Variants in MAP3K8 observed in about 807,000 individuals in gnomAD.
MAP3K8 encodes Ewing sarcoma transformant.
In MAP3K8, 22 loss-of-function variants were observed where a neutral mutation model predicts 45.8. The observed-to-expected ratio is 0.48, with a 90% CI of 0.34 to 0.69. MAP3K8 has a LOEUF of 0.69. Among genes scored for constraint, MAP3K8 ranks in the 30% least tolerant of loss-of-function variants. The probability of loss-of-function intolerance (pLI) is 0.01; values close to 1 mark genes in which losing one functional copy is unlikely to be tolerated. For missense variants in MAP3K8, 419 were observed against 585.0 expected, an observed-to-expected ratio of 0.72 and a Z score of 2.93; for synonymous variants, 223 against 214.3, an observed-to-expected ratio of 1.04 and a Z score of -0.36.
intron 2 of MAP3K8, among the ~76,000 whole-genome samples, chr10:30,437,903 T>C (rs1423693746): frequency 6.6e-6 from 1 of 152,250 alleles, no homozygotes; most frequent in Non-Finnish European, 1.5e-5. Flanking sequence ...GAAATTCTCT[T>C]AGATCTCTTA....
chr10:30,453,677 C>A (rs117160521), intron 6 of MAP3K8, among the ~76,000 whole-genome samples: 1 of 151,902 alleles, frequency 6.6e-6, no homozygotes, highest in Non-Finnish European at 1.5e-5. Context: ...GGTACTCCAG[C>A]GATCCTCACT....
At chr10:30,451,569 G>A in intron 5 of MAP3K8, 69 bp from the exon 6 acceptor site, 1 of 754,206 alleles carries the variant, frequency 1.3e-6, no homozygotes, top group Non-Finnish European at 2.2e-6. Flanking sequence ...TATTGTTTTA[G>A]ATAATGTTTT....
At chr10:30,439,338 T>C in intron 3 of MAP3K8, 64 bp downstream of exon 3, 1 of 1,587,698 alleles carries the variant, frequency 6.3e-7, no homozygotes, top group Non-Finnish European at 8.6e-7. Context: ...CTTCATTTAA[T>C]GCAGAGTGGT....
chr10:30,442,929 A>C (rs193259059), intron 3 of MAP3K8, among the ~76,000 whole-genome samples: 43 of 152,282 alleles, frequency 2.8e-4, no homozygotes, highest in African/African-American at 9.6e-4. Flanking sequence ...ATCTCCAATA[A>C]TTGGTAGAAC....
chr10:30,451,444 T>C (rs1198270171), intron 5 of MAP3K8, among the ~76,000 whole-genome samples, 194 bp from the exon 6 acceptor site: 2 of 152,226 alleles, frequency 1.3e-5, no homozygotes, highest in Non-Finnish European at 2.9e-5. Flanking sequence ...GGCTGTATTC[T>C]TGATGGATCC....
intron 6 of MAP3K8, 132 bp downstream of exon 6, chr10:30,451,876 G>C: frequency 2.0e-6 from 1 of 512,240 alleles, no homozygotes; most frequent in Non-Finnish European, 3.5e-6. Flanking sequence ...ATTTTCCTTG[G>C]AACACATTTA....
At chr10:30,443,780 A>G (rs1243647103) in intron 3 of MAP3K8, among the ~76,000 whole-genome samples, 1 of 152,218 alleles carries the variant, frequency 6.6e-6, no homozygotes, top group Non-Finnish European at 1.5e-5. Flanking sequence ...GTTGTTTCGT[A>G]TAAATGACAG....
chr10:30,439,173 G>A lies in MAP3K8; in HGVS notation c.235G>A (p.Gly79Arg). Reference protein sequence around the residue: ...EVPWLSSVRYGTVEDLLAFAN... With the variant: ...EVPWLSSVRYRTVEDLLAFAN... The stretch of plus-strand genomic sequence containing the variant: ...ACCATGGTTGTCATCAGTCAGATAT[G>A]GAACTGTGGAGGATTTGCTTGCTTT... Residue 79 changes from glycine to arginine, a missense_variant, in exon 3 of 9, where the codon GGA becomes AGA. Physicochemically the swap from Gly to Arg is moderately radical, Grantham distance 125. Coordinates refer to ENST00000263056, the MANE Select transcript of MAP3K8 (RefSeq NM_005204.4). 1 of 1,614,164 alleles carries A rather than the reference G, an allele frequency of 6.2e-7. No homozygotes were observed.
Position 30,459,512 on chromosome 10 carries a change from C to A in MAP3K8, c.1273+11C>A. On this transcript the variant is annotated intron_variant, in intron 8 of 8. Coordinates refer to ENST00000263056, the MANE Select transcript of MAP3K8 (RefSeq NM_005204.4). ...CTGAGAACATTGCTGGTAGGGACAC[C>A]CTGCTGTGTGCCGCACACTTACTTC... The A allele has an allele frequency of 6.2e-7, 1 of 1,612,824 alleles. No individual in the cohort carries two copies. Among genetic ancestry groups the A allele is most frequent in the Non-Finnish European group, 8.5e-7 (1 of 1,179,808 alleles).
intron 3 of MAP3K8, among the ~76,000 whole-genome samples, chr10:30,445,843 G>A (rs1316208409): frequency 1.3e-5 from 2 of 152,202 alleles, no homozygotes; most frequent in African/African-American, 4.8e-5. Context: ...TTTATTCCCT[G>A]ACTAATAGTG....
intron 3 of MAP3K8, among the ~76,000 whole-genome samples, chr10:30,443,116 A>G (rs1047931044): frequency 6.6e-6 from 1 of 152,174 alleles, no homozygotes; most frequent in Admixed American, 6.5e-5. Flanking sequence ...AAAAGTGCAT[A>G]TGATGAGCAG....
intron 4 of MAP3K8, among the ~76,000 whole-genome samples, chr10:30,449,651 G>C (rs957295204): frequency 3.9e-5 from 6 of 152,246 alleles, no homozygotes; most frequent in Admixed American, 3.9e-4. Context: ...TGGGATTACA[G>C]GCATGCACAA....
rs777725040 is a variant in MAP3K8, at chr10:30,460,705, G to T, written c.1274-1G>T. 1 of 1,601,040 alleles carries T rather than the reference G, an allele frequency of 6.2e-7. No homozygotes were observed. Among genetic ancestry groups the T allele is most frequent in the Non-Finnish European group, 8.5e-7 (1 of 1,173,082 alleles). Reference sequence around the variant, plus strand: ...TTACTTTGTAATGTTTTCCTTTTCAGATTCTTCGTGCACAGGAAGCACCGA... The same window carrying T: ...TTACTTTGTAATGTTTTCCTTTTCATATTCTTCGTGCACAGGAAGCACCGA... On this transcript the variant is annotated splice_acceptor_variant, in intron 8 of 8. Transcript: ENST00000263056. LOFTEE classifies it high-confidence loss of function.
intron 1 of MAP3K8, among the ~76,000 whole-genome samples, chr10:30,436,187 T>C (rs117319030): frequency 2.3e-3 from 345 of 152,342 alleles, no homozygotes; most frequent in Non-Finnish European, 3.0e-3. Context: ...CATCTTATAC[T>C]AAACGTCTTT....
chr10:30,461,113 A>C lies in MAP3K8; in HGVS notation c.*277A>C. 2.8e-6 allele frequency: 1 copy of C among 353,514 alleles called. No homozygotes were observed. Among genetic ancestry groups the C allele is most frequent in the Non-Finnish European group, 5.1e-6 (1 of 195,012 alleles). 21.9% of individuals were successfully genotyped at this position (353,514 alleles called of 1,614,324 possible). ...AAGGATCGTGTCTGCTGACTGTTTCATTCACTGTGCACTTTGCTCAAAATT... is the reference window on the plus strand; with the variant it reads ...AAGGATCGTGTCTGCTGACTGTTTCCTTCACTGTGCACTTTGCTCAAAATT... On this transcript the variant is annotated 3_prime_UTR_variant, in exon 9 of 9. Coordinates refer to ENST00000263056, the MANE Select transcript of MAP3K8 (RefSeq NM_005204.4).
In MAP3K8 at chr10:30,457,567, A is replaced by T. The variant is rs1018594645; in HGVS notation, c.874-517A>T. ...CTGATCAGTGTACTGCAGAACTTTG[A>T]TGAGTGGGAGTCCCTGATAGATTCC... is the stretch of plus-strand genomic sequence containing the variant. On this transcript the variant is annotated intron_variant, in intron 6 of 8. Coordinates refer to ENST00000263056, the MANE Select transcript of MAP3K8 (RefSeq NM_005204.4). Among the ~76,000 whole-genome samples, 6 of 152,168 alleles carry T rather than the reference A, an allele frequency of 3.9e-5. No individual in the cohort carries two copies. In the East Asian group the frequency reaches 1.2e-3, roughly 29 times the overall value.
chr10:30,445,408 T>G (rs1834387772), intron 3 of MAP3K8, among the ~76,000 whole-genome samples: 1 of 152,098 alleles, frequency 6.6e-6, no homozygotes, highest in Admixed American at 6.6e-5. Context: ...AGACTCCGTC[T>G]CCAAATAAAA....
chr10:30,445,430 C>CA (rs1452620889), intron 3 of MAP3K8, among the ~76,000 whole-genome samples: 2 of 151,942 alleles, frequency 1.3e-5, no homozygotes, highest in Admixed American at 6.6e-5. Flanking sequence ...CAAAAACAAA[C>CA]AAAAAAACCT....
At chr10:30,435,211 A>T (rs1430534090) in intron 1 of MAP3K8, among the ~76,000 whole-genome samples, 1 of 152,202 alleles carries the variant, frequency 6.6e-6, no homozygotes, top group African/African-American at 2.4e-5. Context: ...GCTCTTGATA[A>T]AAAACAGGGA....
Sources: allele counts gnomAD v4.1 joint callset (sites outside exome capture counted in the v4.1 genomes callset), GRCh38; gene constraint gnomAD v4.1.1; transcripts MANE v1.5; gene names NCBI Gene and HGNC (gene_info 2026-07-23, HGNC 2026-07-21).